PARP12: variants seen among roughly 807,000 people sequenced by gnomAD.
PARP12 encodes the protein poly(ADP-ribose) polymerase family member 12.
A neutral mutation model predicts 72.4 loss-of-function variants in PARP12; 59 were observed. The observed-to-expected ratio is 0.81, with a 90% CI of 0.66 to 1.01. The LOEUF is 1.01. Among genes scored for constraint, PARP12 ranks in the 50% least tolerant of loss-of-function variants. The pLI is 0.00. For missense variants in PARP12, 851 were observed against 914.0 expected, an observed-to-expected ratio of 0.93 and a Z score of 0.89; for synonymous variants, 403 against 371.4, an observed-to-expected ratio of 1.09 and a Z score of -0.98.
chr7:140,057,938 G>A lies in PARP12; in HGVS notation c.423C>T (p.Cys141=). The A allele has an allele frequency of 6.2e-7, 1 of 1,614,232 alleles. No homozygotes were observed. The highest frequency in any genetic ancestry group is 1.3e-5 in the African/African-American group (1 of 75,068). Residue 141 remains cysteine (C), a synonymous_variant, in exon 2 of 12, where the codon TGC becomes TGT. Coordinates refer to ENST00000263549, the MANE Select transcript of PARP12 (RefSeq NM_022750.4). The part of the protein sequence containing the change: ...GVDHLSYNEL[C]QLLFQNDPWL... ...AGGGGTCGTTCTGAAACAAGAGTTG[G>A]CATAGCTCATTATAGCTCAGGTGGT...
intron 8 of PARP12, among the ~76,000 whole-genome samples, chr7:140,029,536 TAAGC>T (rs762129793): frequency 2.6e-5 from 4 of 151,978 alleles, no homozygotes; most frequent in African/African-American, 7.3e-5. Context: ...CAAAAATAAC[TAAGC>T]AAGGTCCTAC....
At chr7:140,033,403 C>T (rs1585085845) in intron 8 of PARP12, 1 of 985,398 alleles carries the variant, frequency 1.0e-6, no homozygotes, top group Non-Finnish European at 1.2e-6. Context: ...AGACACAAGC[C>T]AGACCTCTCA....
In PARP12 at chr7:140,062,547, C is replaced by A; in HGVS notation, c.301G>T (p.Gly101Cys). ...CCGGCTCTCAGGAACTTGCAGGCGC[C>A]GTAGACCATGAACCTGCAGAGGTGG... ...QLHLCRFMVY[G>C]ACKFLRAGKN... The change falls in exon 1 of 12, where the codon GGC (glycine) becomes TGC (cysteine). Residue 101 changes from glycine (G) to cysteine (C), a missense_variant. Around this residue, in one of 3 missense-constraint regions of PARP12, gnomAD observed 492 missense variants for 489.3 expected, o/e 1.01. Coordinates refer to ENST00000263549, the MANE Select transcript of PARP12 (RefSeq NM_022750.4). The A allele has an allele frequency of 6.4e-7, 1 of 1,555,910 alleles. No homozygotes were observed. The highest frequency in any genetic ancestry group is 1.2e-5 in the South Asian group (1 of 85,530).
At chr7:140,032,017 T>C (rs1182855618) in intron 8 of PARP12, among the ~76,000 whole-genome samples, 2 of 152,112 alleles carry the variant, frequency 1.3e-5, no homozygotes, top group Admixed American at 6.5e-5. Context: ...ACCTCCCTAA[T>C]AGATAAAAGG....
chr7:140,056,186 C>A (rs750213989), intron 3 of PARP12, among the ~76,000 whole-genome samples: 3 of 152,214 alleles, frequency 2.0e-5, no homozygotes, highest in Non-Finnish European at 4.4e-5. Context: ...TCAAGAAATG[C>A]TTATTAAATA....
intron 3 of PARP12, among the ~76,000 whole-genome samples, chr7:140,056,548 C>T (rs1371733561): frequency 1.3e-5 from 2 of 152,190 alleles, no homozygotes; most frequent in African/African-American, 4.8e-5. Flanking sequence ...ATAGGGGTGA[C>T]TGCACAGGGG....
At chr7:140,039,440 T>C (rs1670260426) in intron 6 of PARP12, among the ~76,000 whole-genome samples, 1 of 152,036 alleles carries the variant, frequency 6.6e-6, no homozygotes, top group Non-Finnish European at 1.5e-5. Flanking sequence ...CAAAGAGTTT[T>C]TTTGCCCTCA....
At chr7:140,052,959 A>G (rs577084598) in intron 4 of PARP12, among the ~76,000 whole-genome samples, 93 of 152,326 alleles carry the variant, frequency 6.1e-4, no homozygotes, top group African/African-American at 2.2e-3. Flanking sequence ...GCCAAGTGTT[A>G]GCAAGAATAT....
chr7:140,041,621 C>T (rs1228545405), intron 6 of PARP12, 23 bp downstream of exon 6: 13 of 1,603,398 alleles, frequency 8.1e-6, no homozygotes, highest in Non-Finnish European at 1.1e-5. Context: ...ACAAAACATT[C>T]ACCCTCTTTC....
chr7:140,062,876 C>T lies in PARP12; in HGVS notation c.-29G>A. 1 of 1,244,008 alleles carries T rather than the reference C, an allele frequency of 8.0e-7. No homozygotes were observed. Among genetic ancestry groups the T allele is most frequent in the Non-Finnish European group, 1.0e-6 (1 of 995,490 alleles). 77.1% of individuals were successfully genotyped at this position (1,244,008 alleles called of 1,614,324 possible). On this transcript the variant is annotated 5_prime_UTR_variant, in exon 1 of 12. Coordinates refer to ENST00000263549, the MANE Select transcript of PARP12 (RefSeq NM_022750.4). ...CGCTGGGCCTGCTCCCGTCGGACCG[C>T]GGGTGGCGCGACGCGGACGGCGGCG...
rs1418587137 is a variant in PARP12 at position 140,028,692 on chromosome 7, CA to C, written c.1422-5del. 1.9e-6 allele frequency: 3 copies of C among 1,596,764 alleles called. No individual in the cohort carries two copies. The highest frequency in any genetic ancestry group is 2.3e-5 in the East Asian group (1 of 44,372). ...CGGGCCTGGAAACTTGGTATTGCTA[CA>C]AAAATGTAAACAAAAACACGTAGAC... On this transcript the variant is annotated splice_region_variant and splice_polypyrimidine_tract_variant and intron_variant, in intron 8 of 11. Transcript: ENST00000263549.
Position 140,026,193 on chromosome 7 carries a change from T to C in PARP12, c.1780+4A>G. On this transcript the variant is annotated splice_donor_region_variant and intron_variant, in intron 11 of 11. Transcript: ENST00000263549. ...TTTGCTGGTGGAGGCCAGTCATGCC[T>C]TACCCTTGCCGTAGGAAGTGCCATG... is the stretch of plus-strand genomic sequence containing the variant. 1 of 1,614,158 alleles carries C rather than the reference T, an allele frequency of 6.2e-7. No homozygotes were observed. The highest frequency in any genetic ancestry group is 8.5e-7 in the Non-Finnish European group (1 of 1,180,036).
intron 5 of PARP12, 21 bp from the exon 6 acceptor site, chr7:140,041,860 C>G: frequency 1.3e-6 from 2 of 1,590,800 alleles, no homozygotes; most frequent in South Asian, 1.1e-5. Flanking sequence ...AAAACAGCAG[C>G]AGACTGAAAA....
chr7:140,053,684 A>T (rs1228518866), intron 4 of PARP12, among the ~76,000 whole-genome samples: 1 of 152,150 alleles, frequency 6.6e-6, no homozygotes. Context: ...CCCAGAATCT[A>T]TCTATGGAAA....
chr7:140,053,142 T>G (rs907660984), intron 4 of PARP12, among the ~76,000 whole-genome samples: 2 of 152,290 alleles, frequency 1.3e-5, no homozygotes, highest in East Asian at 3.9e-4. Flanking sequence ...AACTTATACA[T>G]AAATATTTAT....
intron 7 of PARP12, among the ~76,000 whole-genome samples, chr7:140,037,232 G>A (rs1004024956): frequency 4.6e-5 from 7 of 152,304 alleles, no homozygotes; most frequent in Middle Eastern, 6.8e-3. Flanking sequence ...GCTGAAGCAC[G>A]AGAATCACTT....
At chr7:140,037,207 C>T (rs1816239118) in intron 7 of PARP12, among the ~76,000 whole-genome samples, 1 of 152,220 alleles carries the variant, frequency 6.6e-6, no homozygotes, top group Admixed American at 6.5e-5. Context: ...GACTGTAATT[C>T]CAGCTACTTG....
At chr7:140,033,914 T>A in intron 8 of PARP12, 1 of 1,016,436 alleles carries the variant, frequency 9.8e-7, no homozygotes, top group African/African-American at 1.7e-5. Context: ...AATTCAAGTC[T>A]ATGACTCAAT....
rs78955402 is a variant in PARP12, at chr7:140,027,155, C to T, written c.1628+121G>A. Reference sequence around the variant, plus strand: ...CGAAGGAGAGCAGACACACAGCTCCCAGCACATGGCAGCCCTAACTGCCGC... The same window carrying T: ...CGAAGGAGAGCAGACACACAGCTCCTAGCACATGGCAGCCCTAACTGCCGC... On this transcript the variant is annotated intron_variant, in intron 10 of 11. Coordinates refer to ENST00000263549, the MANE Select transcript of PARP12 (RefSeq NM_022750.4). The T allele has an allele frequency of 9.9e-4, 1,338 of 1,355,700 alleles. 8 individuals carry two copies. The African/African-American group carries it at 0.017, about 17-fold the overall frequency. The allele number at this position is 1,355,700 out of a possible 1,614,324, so 84.0% of individuals were successfully genotyped here.
Sources: allele counts gnomAD v4.1 joint callset (sites outside exome capture counted in the v4.1 genomes callset), GRCh38; gene constraint gnomAD v4.1.1; regional missense constraint gnomAD v4.1.1; transcripts MANE v1.5; gene names NCBI Gene and HGNC (gene_info 2026-07-23, HGNC 2026-07-21).